UBXN2A: variants seen among roughly 807,000 people sequenced by gnomAD.
UBXN2A encodes UBX domain-containing protein 2A.
Under a neutral mutation model 28.4 loss-of-function variants are expected in UBXN2A, and 28 were observed. The ratio of observed to expected loss-of-function variants is 0.99; its 90% CI spans 0.73 to 1.35. The LOEUF is 1.35. Among genes scored for constraint, UBXN2A ranks in the 40% most tolerant of loss-of-function variants. UBXN2A has a pLI of 0.00. For synonymous variants in UBXN2A, 97 were observed against 103.6 expected, an observed-to-expected ratio of 0.94 and a Z score of 0.39; for missense variants, 253 against 297.9, an observed-to-expected ratio of 0.85 and a Z score of 1.11.
At chr2:23,987,790 A>C (rs1573601716) in intron 6 of UBXN2A, among the ~76,000 whole-genome samples, 1 of 134,488 alleles carries the variant, frequency 7.4e-6, no homozygotes, top group African/African-American at 2.7e-5. Flanking sequence ...AAAAAAAAAA[A>C]ACAAAAAAAA....
chr2:23,986,086 A>G (rs578221043), intron 6 of UBXN2A, among the ~76,000 whole-genome samples: 1 of 152,136 alleles, frequency 6.6e-6, no homozygotes, highest in Non-Finnish European at 1.5e-5. Context: ...AGACGGGTGG[A>G]TCACGAGGTC....
chr2:23,944,095 CTT>C (rs1705912783), intron 1 of UBXN2A: 1 of 693,540 alleles, frequency 1.4e-6, no homozygotes, highest in Non-Finnish European at 2.7e-6. Context: ...ACAGGGGTCT[CTT>C]TTTGGCATGT....
At chr2:23,999,321 A>G (rs1187446003) in intron 6 of UBXN2A, among the ~76,000 whole-genome samples, 2 of 152,234 alleles carry the variant, frequency 1.3e-5, no homozygotes, top group African/African-American at 2.4e-5. Flanking sequence ...CTTACCTAAG[A>G]TAATTAACAG....
chr2:23,987,486 T>TA (rs1160827917), intron 6 of UBXN2A, among the ~76,000 whole-genome samples: 1 of 152,030 alleles, frequency 6.6e-6, no homozygotes, highest in African/African-American at 2.4e-5. Flanking sequence ...AGCAAAAACT[T>TA]ACAGAAAAAG....
At chr2:23,940,323 C>A (rs956556054), upstream of UBXN2A, 1 of 151,882 alleles carries the variant, frequency 6.6e-6, no homozygotes, top group Admixed American at 6.6e-5. Context: ...AGCCGCCGGG[C>A]CAGTGGTGGG....
chr2:23,964,853 G>A lies in UBXN2A; in HGVS notation c.42-6423G>A, dbSNP rs138004091. Among the ~76,000 whole-genome samples, 35 of 152,280 alleles carry A rather than the reference G, an allele frequency of 2.3e-4. No individual in the cohort carries two copies. In the East Asian group the frequency reaches 6.6e-3, roughly 29 times the overall value. ...ATAGGAACTCCTGACATTTTAAGAT[G>A]TGTTTACTGGCTGAGCGCAGTGGCT... On this transcript the variant is annotated intron_variant, in intron 2 of 6. Coordinates refer to ENST00000309033, the MANE Select transcript of UBXN2A (RefSeq NM_181713.4).
rs146377857 is a variant in UBXN2A at position 23,928,313 on chromosome 2, C to T, written c.-138+698C>T. Among the ~76,000 whole-genome samples, 734 of 151,968 alleles carry T rather than the reference C, an allele frequency of 4.8e-3. 6 individuals carry two copies. The highest frequency in any genetic ancestry group is 0.017 in the African/African-American group (695 of 41,470). On this transcript the variant is annotated intron_variant, in intron 1 of 7. Transcript: ENST00000404924. ...AAATTCACAGTACAGGCCGGGCTTA[C>T]GCCTGTAATCCCAGCACTTTGGGAG...
At chr2:23,988,209 C>G (rs558925907) in intron 6 of UBXN2A, among the ~76,000 whole-genome samples, 1 of 152,022 alleles carries the variant, frequency 6.6e-6, no homozygotes, top group South Asian at 2.1e-4. Context: ...ACTTGAAATA[C>G]TTAGGTATAG....
intron 6 of UBXN2A, among the ~76,000 whole-genome samples, chr2:23,993,036 CTT>C (rs1708407900): frequency 6.6e-6 from 1 of 152,118 alleles, no homozygotes; most frequent in Non-Finnish European, 1.5e-5. Flanking sequence ...GTTTGGCTCT[CTT>C]GAAGGCATTT....
intron 4 of UBXN2A, among the ~76,000 whole-genome samples, chr2:23,978,650 A>G (rs1041773655): frequency 4.6e-5 from 7 of 151,430 alleles, no homozygotes; most frequent in African/African-American, 9.7e-5. Context: ...TCTCAAAAAA[A>G]AAAAAATTTT....
chr2:23,951,861 AT>A, intron 1 of UBXN2A, among the ~76,000 whole-genome samples: 1 of 152,106 alleles, frequency 6.6e-6, no homozygotes, highest in East Asian at 1.9e-4. Flanking sequence ...ATATGTAGAC[AT>A]TTTTAAAGTG....
chr2:23,989,719 A>G (rs1445856674), intron 6 of UBXN2A, among the ~76,000 whole-genome samples: 1 of 151,920 alleles, frequency 6.6e-6, no homozygotes, highest in Non-Finnish European at 1.5e-5. Context: ...TCTGGGCAAC[A>G]TGGTGAAACT....
At chr2:23,996,522 G>C (rs1708539565) in intron 6 of UBXN2A, among the ~76,000 whole-genome samples, 1 of 146,210 alleles carries the variant, frequency 6.8e-6, no homozygotes, top group African/African-American at 2.5e-5. Context: ...TGTTGCCCAG[G>C]CTGGAGTGCA....
intron 1 of UBXN2A, among the ~76,000 whole-genome samples, chr2:23,932,519 C>A (rs548173761): frequency 1.0e-3 from 158 of 152,220 alleles, no homozygotes; most frequent in African/African-American, 3.6e-3. Flanking sequence ...CCCACCTTTC[C>A]CAACACTGAC....
In UBXN2A at chr2:23,984,655, T is replaced by C. The variant is rs369004996; in HGVS notation, c.426-18T>C. ...TGAATGGAAAAAACGTCTAACTTTG[T>C]TGTCTGGATTTCCTTAGTGCCACAC... is the stretch of plus-strand genomic sequence containing the variant. On this transcript the variant is annotated intron_variant, in intron 5 of 6. Transcript: ENST00000309033. 9.5e-4 allele frequency: 1,381 copies of C among 1,450,650 alleles called. 1 individual carries two copies. Among genetic ancestry groups the C allele is most frequent in the Non-Finnish European group, 1.2e-3 (1,340 of 1,103,080 alleles). 89.9% of individuals were successfully genotyped at this position (1,450,650 alleles called of 1,614,324 possible).
intron 5 of UBXN2A, among the ~76,000 whole-genome samples, chr2:23,983,824 C>A (rs1558303797): frequency 6.6e-6 from 1 of 152,008 alleles, no homozygotes; most frequent in Non-Finnish European, 1.5e-5. Context: ...TACAGGCATA[C>A]ACCACCACGC....
At chr2:23,977,347 T>TC (rs1491416786) in intron 4 of UBXN2A, 2 of 6,036 alleles carry the variant, frequency 3.3e-4, no homozygotes, top group Non-Finnish European at 6.5e-4. Context: ...AAGGCGGGGG[T>TC]CGGGGGGGTG....
chr2:23,935,339 A>G (rs1412385797), intron 1 of UBXN2A, among the ~76,000 whole-genome samples: 1 of 152,226 alleles, frequency 6.6e-6, no homozygotes, highest in Non-Finnish European at 1.5e-5. Flanking sequence ...ATAAGGGATT[A>G]CTATCCATAA....
upstream of UBXN2A, among the ~76,000 whole-genome samples, chr2:23,935,755 A>C (rs1458088702): frequency 6.6e-6 from 1 of 152,200 alleles, no homozygotes; most frequent in Non-Finnish European, 1.5e-5. Flanking sequence ...TATATACTCA[A>C]AAAAATTGAA....
Sources: gnomAD v4.1 joint callset for allele counts (sites outside exome capture counted in the v4.1 genomes callset) on GRCh38, gnomAD v4.1.1 for gene constraint, MANE v1.5 for transcripts, NCBI Gene and HGNC (gene_info 2026-07-23, HGNC 2026-07-21) for gene names.